Variants in ERO1A observed in about 807,000 individuals in gnomAD.
ERO1A encodes endoplasmic reticulum oxidoreductase 1 alpha, also known as ERO1-like protein alpha.
ERO1A carries 49 observed loss-of-function variants against 76.9 expected under a neutral mutation model. The observed-to-expected ratio is 0.64, with a 90% CI of 0.51 to 0.81. The LOEUF is 0.81. Among genes scored for constraint, ERO1A ranks in the 30% least tolerant of loss-of-function variants. The pLI, the probability that ERO1A is intolerant of heterozygous loss-of-function variation, is 0.00. For missense variants in ERO1A, 448 were observed against 542.1 expected (o/e 0.83, Z 1.72); for synonymous variants, 174 against 181.2 (o/e 0.96, Z 0.32).
At chr14:52,682,069 C>G (rs771301463) in intron 3 of ERO1A, among the ~76,000 whole-genome samples, 1 of 152,048 alleles carries the variant, frequency 6.6e-6, no homozygotes, top group Non-Finnish European at 1.5e-5. Flanking sequence ...AAGGACTGCA[C>G]GATTATTTTA....
At chr14:52,671,959 A>AT (rs947824239) in intron 4 of ERO1A, 88 bp from the exon 5 acceptor site, 31 of 903,424 alleles carry the variant, frequency 3.4e-5, no homozygotes, top group Admixed American at 8.3e-5. Context: ...AGCTCTTTTT[A>AT]TTTTTTTTAT....
chr14:52,666,913 A>T (rs77044862), intron 6 of ERO1A, among the ~76,000 whole-genome samples: 4 of 152,256 alleles, frequency 2.6e-5, no homozygotes, highest in Non-Finnish European at 5.9e-5. Flanking sequence ...CTTGGGTGAC[A>T]GAGCGAGACT....
chr14:52,670,250 G>A (rs951924426), intron 6 of ERO1A, among the ~76,000 whole-genome samples: 2 of 152,196 alleles, frequency 1.3e-5, no homozygotes, highest in African/African-American at 4.8e-5. Context: ...AAGAGCCACA[G>A]AAGAATACCA....
intron 11 of ERO1A, among the ~76,000 whole-genome samples, chr14:52,655,086 G>A (rs1420839539): frequency 6.6e-6 from 1 of 152,100 alleles, no homozygotes; most frequent in Admixed American, 6.5e-5. Flanking sequence ...TCTTACACAG[G>A]CCAGGCGTGG....
chr14:52,689,411 G>A (rs1221395974), intron 1 of ERO1A, among the ~76,000 whole-genome samples: 3 of 151,826 alleles, frequency 2.0e-5, no homozygotes, highest in Non-Finnish European at 2.9e-5. Context: ...GACTCCACCA[G>A]AAAACCATTA....
At chr14:52,649,696 T>C (rs1269920867) in intron 13 of ERO1A, among the ~76,000 whole-genome samples, 2 of 152,120 alleles carry the variant, frequency 1.3e-5, no homozygotes, top group African/African-American at 4.8e-5. Context: ...AAAAGAAGTC[T>C]TATTACAGCA....
At chr14:52,674,446 A>G (rs973989766) in intron 4 of ERO1A, among the ~76,000 whole-genome samples, 2 of 152,124 alleles carry the variant, frequency 1.3e-5, no homozygotes, top group African/African-American at 4.8e-5. Flanking sequence ...CAATCCTCAC[A>G]TGGTGGCCTC....
intron 1 of ERO1A, among the ~76,000 whole-genome samples, chr14:52,689,761 T>C (rs2041294753): frequency 6.6e-6 from 1 of 152,064 alleles, no homozygotes; most frequent in Admixed American, 6.5e-5. Context: ...CCAATGGCAT[T>C]TTTCACAAAA....
At chr14:52,652,449 T>C (rs1226015645) in intron 12 of ERO1A, 141 bp from the exon 13 acceptor site, 2 of 577,162 alleles carry the variant, frequency 3.5e-6, no homozygotes, top group Non-Finnish European at 6.2e-6. Context: ...AATCAAATTC[T>C]TATCCTCAAA....
At chr14:52,666,085 T>C (rs2040400607) in intron 7 of ERO1A, among the ~76,000 whole-genome samples, 1 of 152,180 alleles carries the variant, frequency 6.6e-6, no homozygotes, top group Non-Finnish European at 1.5e-5. Flanking sequence ...AGCAAACCTC[T>C]CCAGCTCTAG....
Position 52,663,912 on chromosome 14 carries a change from A to G in ERO1A, c.630-65T>C. The stretch of plus-strand genomic sequence containing the variant: ...TTACCAATCATGTTATATTTAAGTG[A>G]TATTATCTCAGAAAACTGCTTAATA... On this transcript the variant is annotated intron_variant, in intron 7 of 15. Coordinates refer to ENST00000395686, the MANE Select transcript of ERO1A (RefSeq NM_014584.3). 4 of 945,478 alleles carry G rather than the reference A, an allele frequency of 4.2e-6. No homozygotes were observed. In the South Asian group the frequency reaches 6.0e-5, roughly 14 times the overall value. The allele number at this position is 945,478 out of a possible 1,614,324, so 58.6% of individuals were successfully genotyped here. A position where few individuals can be genotyped will look rare whatever the true frequency, so the allele number is the denominator to read the frequency against.
chr14:52,680,089 A>C lies in ERO1A; in HGVS notation c.319-1617T>G, dbSNP rs868320708. On this transcript the variant is annotated intron_variant, in intron 3 of 15. Coordinates refer to ENST00000395686, the MANE Select transcript of ERO1A (RefSeq NM_014584.3). ...ACAAGCAAAAAACACAAACAAAAAA[A>C]AAAAAAAAAAAAAACAAAGTATTGG... Among the ~76,000 whole-genome samples the C allele has an allele frequency of 5.4e-3, 814 of 150,856 alleles. 8 individuals carry two copies. Among genetic ancestry groups the C allele is most frequent in the African/African-American group, 0.018 (742 of 41,218 alleles).
chr14:52,640,837 AGAAT>A lies in ERO1A; in HGVS notation c.*2729_*2732del, dbSNP rs1334874819. 2 of 152,204 alleles carry A rather than the reference AGAAT, an allele frequency of 1.3e-5. No individual in the cohort carries two copies. Among genetic ancestry groups the A allele is most frequent in the African/African-American group, 2.4e-5 (1 of 41,460 alleles). 9.4% of individuals were successfully genotyped at this position (152,204 alleles called of 1,614,324 possible). On this transcript the variant is annotated 3_prime_UTR_variant, in exon 16 of 16. Coordinates refer to ENST00000395686, the MANE Select transcript of ERO1A (RefSeq NM_014584.3). ...ACAGGCATTAGAGTAGGTTTTGCAGAGAATGAATGTTTTAAGACACACACAGGTG... is the reference window on the plus strand; with the variant it reads ...ACAGGCATTAGAGTAGGTTTTGCAGAGAATGTTTTAAGACACACACAGGTG...
At chr14:52,654,274 T>G (rs540262631) in intron 11 of ERO1A, among the ~76,000 whole-genome samples, 3 of 152,254 alleles carry the variant, frequency 2.0e-5, no homozygotes, top group Middle Eastern at 3.4e-3. Flanking sequence ...GAGCTGGTCA[T>G]GACTAATAAG....
chr14:52,689,228 ACAGGCATGAGCCACTGCGC>A (rs1198201792), intron 1 of ERO1A, among the ~76,000 whole-genome samples: 7 of 152,356 alleles, frequency 4.6e-5, no homozygotes, highest in African/African-American at 1.7e-4. Context: ...TGCTGGGATT[ACAGGCATGAGCCACTGCGC>A]CCGGCCCTCA....
intron 4 of ERO1A, among the ~76,000 whole-genome samples, chr14:52,675,149 C>T (rs142637230): frequency 0.02 from 3,057 of 152,010 alleles, 110 homozygotes; most frequent in African/African-American, 0.069. Context: ...TCTGGGAGGC[C>T]GAGACAGGTG....
chr14:52,681,332 A>C (rs1422053230), intron 3 of ERO1A, among the ~76,000 whole-genome samples: 4 of 152,168 alleles, frequency 2.6e-5, no homozygotes, highest in Admixed American at 1.3e-4. Flanking sequence ...GGTGGCTCAC[A>C]CCTGTAATCC....
intron 8 of ERO1A, 98 bp from the exon 9 acceptor site, chr14:52,661,402 G>C: frequency 1.0e-6 from 1 of 954,166 alleles, no homozygotes; most frequent in Non-Finnish European, 1.5e-6. Flanking sequence ...ATAATGGTTA[G>C]TTTTAGTCCA....
chr14:52,668,644 T>G (rs959975976), intron 6 of ERO1A, among the ~76,000 whole-genome samples: 27 of 151,626 alleles, frequency 1.8e-4, no homozygotes, highest in African/African-American at 6.3e-4. Flanking sequence ...AATGATTAAA[T>G]TTTTAAATAT....
Sources: allele counts gnomAD v4.1 joint callset (sites outside exome capture counted in the v4.1 genomes callset), GRCh38; gene constraint gnomAD v4.1.1; transcripts MANE v1.5; gene names NCBI Gene and HGNC (gene_info 2026-07-23, HGNC 2026-07-21).